CDC73: variants seen among roughly 807,000 people sequenced by gnomAD.
CDC73 encodes cell division cycle 73, also known as parafibromin.
In CDC73, 21 loss-of-function variants were observed where a neutral mutation model predicts 83.7. That is an observed-to-expected ratio of 0.25 (90% CI 0.18 to 0.36). CDC73 has a LOEUF of 0.36. CDC73 is among the 10% of genes least tolerant of loss of function. CDC73 has a pLI of 1.00. For missense variants in CDC73, 342 were observed against 653.3 expected, an observed-to-expected ratio of 0.52 and a Z score of 5.19; for synonymous variants, 224 against 212.9, an observed-to-expected ratio of 1.05 and a Z score of -0.45.
intron 16 of CDC73, 65 bp from the exon 17 acceptor site, chr1:193,250,611 A>G (rs1678029458): frequency 2.7e-6 from 3 of 1,125,036 alleles, no homozygotes; most frequent in South Asian, 1.3e-5. Context: ...TTGTTTTTAC[A>G]TGCATTATTC....
intron 13 of CDC73, among the ~76,000 whole-genome samples, chr1:193,226,669 C>T (rs1432270953): frequency 6.6e-6 from 1 of 152,008 alleles, no homozygotes; most frequent in East Asian, 1.9e-4. Context: ...GGTATGAAAC[C>T]CATTTGATCA....
intron 10 of CDC73, among the ~76,000 whole-genome samples, chr1:193,183,692 A>G (rs779779013): frequency 1.2e-4 from 18 of 151,784 alleles, no homozygotes; most frequent in Non-Finnish European, 2.4e-4. Flanking sequence ...TCCACTTCAT[A>G]AGGATATCAG....
chr1:193,194,238 A>G (rs978824104), intron 10 of CDC73, among the ~76,000 whole-genome samples: 1 of 152,160 alleles, frequency 6.6e-6, no homozygotes, highest in Non-Finnish European at 1.5e-5. Context: ...TTACATTAGA[A>G]AAATGAAATT....
At chr1:193,216,715 A>G (rs1172735975) in intron 13 of CDC73, among the ~76,000 whole-genome samples, 1 of 152,206 alleles carries the variant, frequency 6.6e-6, no homozygotes, top group African/African-American at 2.4e-5. Flanking sequence ...TAGAAAATCG[A>G]ATCCAGCAGC....
intron 11 of CDC73, among the ~76,000 whole-genome samples, chr1:193,205,206 C>T (rs1164301466): frequency 5.1e-5 from 6 of 118,662 alleles, no homozygotes; most frequent in Non-Finnish European, 8.8e-5. Flanking sequence ...CCCCCCCCCC[C>T]CCTTTTTTTT....
At chr1:193,224,466 C>CTAAATTTAT (rs1677528838) in intron 13 of CDC73, among the ~76,000 whole-genome samples, 7 of 148,084 alleles carry the variant, frequency 4.7e-5, no homozygotes, top group Admixed American at 3.4e-4. Flanking sequence ...TATGCACATA[C>CTAAATTTAT]GAAATTTATG....
At chr1:193,181,132 T>C (rs1359147901) in intron 10 of CDC73, 2 of 1,613,970 alleles carry the variant, frequency 1.2e-6, no homozygotes, top group East Asian at 4.5e-5. Flanking sequence ...TTGGCATTTT[T>C]CAGGCTCATT....
rs536852652 is a variant in CDC73 at position 193,217,646 on chromosome 1, C to A, written c.1154+5169C>A. Among the ~76,000 whole-genome samples the A allele has an allele frequency of 5.9e-5, 9 of 152,152 alleles. No homozygotes were observed. The South Asian group carries it at 1.9e-3, about 32-fold the overall frequency. ...CTGATATGCTCCTTTTGACGTCTGG[C>A]CACCTGTGTGTGTGCCCACTAGGGT... is the stretch of plus-strand genomic sequence containing the variant. On this transcript the variant is annotated intron_variant, in intron 13 of 16. Coordinates refer to ENST00000367435, the MANE Select transcript of CDC73 (RefSeq NM_024529.5).
At chr1:193,179,037 ACACT>A (rs1676662612) in intron 10 of CDC73, 1 of 152,222 alleles carries the variant, frequency 6.6e-6, no homozygotes, top group African/African-American at 2.4e-5. Context: ...AATACTTATA[ACACT>A]CAGTAAAGTT....
chr1:193,192,489 A>T (rs1676935777), intron 10 of CDC73, among the ~76,000 whole-genome samples: 1 of 151,790 alleles, frequency 6.6e-6, no homozygotes, highest in Non-Finnish European at 1.5e-5. Context: ...AGTAAATAGA[A>T]TTTTTTTTTC....
At chr1:193,202,834 C>T (rs555708118) in intron 10 of CDC73, among the ~76,000 whole-genome samples, 27 of 151,924 alleles carry the variant, frequency 1.8e-4, no homozygotes, top group African/African-American at 6.5e-4. Flanking sequence ...AGTTTTACCA[C>T]GTTTACCATC....
Position 193,249,715 on chromosome 1 carries a change from C to T in CDC73, c.1418-15C>T, listed in dbSNP as rs1331952455. 1.3e-6 allele frequency: 2 copies of T among 1,598,068 alleles called. No homozygotes were observed. The highest frequency in any genetic ancestry group is 2.2e-5 in the East Asian group (1 of 44,672). On this transcript the variant is annotated splice_polypyrimidine_tract_variant and intron_variant, in intron 15 of 16. Coordinates refer to ENST00000367435, the MANE Select transcript of CDC73 (RefSeq NM_024529.5). ...TTTGAGTAAAAATGATAACTTCTCT[C>T]CACCCTCTCTATAGTTAAAGCCTTC...
At chr1:193,130,665 A>C (rs1268038993) in intron 3 of CDC73, among the ~76,000 whole-genome samples, 1 of 152,178 alleles carries the variant, frequency 6.6e-6, no homozygotes, top group Non-Finnish European at 1.5e-5. Context: ...TTCGTGTGGT[A>C]TCATTGCTTC....
At chr1:193,161,499 A>G (rs999334890) in intron 10 of CDC73, among the ~76,000 whole-genome samples, 3 of 144,492 alleles carry the variant, frequency 2.1e-5, no homozygotes, top group Non-Finnish European at 4.5e-5. Flanking sequence ...TTTTGAAACT[A>G]TATAAGATCA....
rs74757074 is a variant in CDC73, at chr1:193,244,648, C to A, written c.1418-5082C>A. 3.1e-3 allele frequency among the ~76,000 whole-genome samples: 466 copies of A among 152,290 alleles called. 4 individuals are homozygous for A. Among genetic ancestry groups the A allele is most frequent in the East Asian group, 0.029 (153 of 5,188 alleles). ...AACATAGGACATTCCATGCTTGCTTCCATCTTGGAATCTTTGTGTCAGCTG... is the reference window on the plus strand; with the variant it reads ...AACATAGGACATTCCATGCTTGCTTACATCTTGGAATCTTTGTGTCAGCTG... On this transcript the variant is annotated intron_variant, in intron 15 of 16. Transcript: ENST00000367435.
rs780676217 is a variant in CDC73, at chr1:193,249,884, C to G, written c.1559+13C>G. On this transcript the variant is annotated intron_variant, in intron 16 of 16. Transcript: ENST00000367435. The stretch of plus-strand genomic sequence containing the variant: ...AAACATTGGACAGGTAATTCCGATT[C>G]TAAAATATGCTTGTGTGTGTTTTAT... 5 of 1,610,476 alleles carry G rather than the reference C, an allele frequency of 3.1e-6. No individual in the cohort carries two copies. The highest frequency in any genetic ancestry group is 1.6e-4 in the Middle Eastern group (1 of 6,068).
At chr1:193,183,640 A>G (rs1676756589) in intron 10 of CDC73, among the ~76,000 whole-genome samples, 2 of 151,688 alleles carry the variant, frequency 1.3e-5, no homozygotes, top group South Asian at 4.2e-4. Flanking sequence ...TTAAGCTTTT[A>G]TTTCCAAATG....
chr1:193,224,793 C>T (rs1180746917), intron 13 of CDC73, among the ~76,000 whole-genome samples: 14 of 152,024 alleles, frequency 9.2e-5, no homozygotes, highest in Admixed American at 7.9e-4. Flanking sequence ...TTTTTTAGCT[C>T]AACCAATGTT....
At chr1:193,246,948 A>T (rs1253596967) in intron 15 of CDC73, among the ~76,000 whole-genome samples, 1 of 152,142 alleles carries the variant, frequency 6.6e-6, no homozygotes, top group Non-Finnish European at 1.5e-5. Context: ...TGATCAGCTT[A>T]TTCACTAGGT....
Sources: allele counts gnomAD v4.1 joint callset (sites outside exome capture counted in the v4.1 genomes callset), GRCh38; gene constraint gnomAD v4.1.1; transcripts MANE v1.5; gene names NCBI Gene and HGNC (gene_info 2026-07-23, HGNC 2026-07-21).